SEMA3E: variants seen among roughly 807,000 people sequenced by gnomAD.
SEMA3E encodes semaphorin 3E.
A neutral mutation model predicts 93.6 loss-of-function variants in SEMA3E; 49 were observed. The observed-to-expected ratio is 0.52, with a 90% CI of 0.42 to 0.66. The LOEUF is 0.66. Among genes scored for constraint, SEMA3E ranks in the 30% least tolerant of loss-of-function variants. The pLI is 0.00. For missense variants in SEMA3E, 906 were observed against 964.8 expected (o/e 0.94, Z 0.81); for synonymous variants, 363 against 330.7 (o/e 1.10, Z -1.06).
chr7:83,400,210 T>C lies in SEMA3E; in HGVS notation c.1184A>G (p.Lys395Arg), dbSNP rs759998686. Residue 395 changes from lysine to arginine, a missense_variant, in exon 11 of 17, where the codon AAG becomes AGG. Transcript: ENST00000643230. ...TCGGATGGCATCATCAGGATAGTCCTTGGTGGTTCCGTATCTCCCTCCATT... is the reference window on the plus strand; with the variant it reads ...TCGGATGGCATCATCAGGATAGTCCCTGGTGGTTCCGTATCTCCCTCCATT... ...KVNGGRYGTTKDYPDDAIRFA... is the reference protein window; with the variant it reads ...KVNGGRYGTTRDYPDDAIRFA... 1 of 1,613,992 alleles carries C rather than the reference T, an allele frequency of 6.2e-7. No individual in the cohort carries two copies. Among genetic ancestry groups the C allele is most frequent in the Non-Finnish European group, 8.5e-7 (1 of 1,179,934 alleles).
chr7:83,390,120 CGT>C (rs1787983585), intron 14 of SEMA3E, among the ~76,000 whole-genome samples: 1 of 72,354 alleles, frequency 1.4e-5, no homozygotes, highest in Non-Finnish European at 2.8e-5. Context: ...CATATATGCG[CGT>C]ATACGTGTGC....
At chr7:83,454,271 AAATAT>A (rs1371854684) in intron 4 of SEMA3E, among the ~76,000 whole-genome samples, 2,674 of 102,744 alleles carry the variant, frequency 0.026, 39 homozygotes, top group African/African-American at 0.057. Context: ...AAAAAAAAAA[AAATAT>A]ATATATATAT....
chr7:83,399,578 T>C (rs1198374595), intron 11 of SEMA3E, among the ~76,000 whole-genome samples: 1 of 152,206 alleles, frequency 6.6e-6, no homozygotes, highest in South Asian at 2.1e-4. Flanking sequence ...GACAGAACTA[T>C]TCTTGCTATG....
chr7:83,421,600 A>G lies in SEMA3E; in HGVS notation c.457-3117T>C, dbSNP rs1047164281. Among the ~76,000 whole-genome samples, 13 of 142,432 alleles carry G rather than the reference A, an allele frequency of 9.1e-5. 1 individual carries two copies. The highest frequency in any genetic ancestry group is 3.0e-4 in the African/African-American group (12 of 39,874). 93.4% of individuals were successfully genotyped at this position (142,432 alleles called of 152,430 possible). The stretch of plus-strand genomic sequence containing the variant: ...TTGCTCAATTTGGCAACTATGTACA[A>G]CCCTGCTCATCTGTGAACCACAAAC... On this transcript the variant is annotated intron_variant, in intron 4 of 16. Transcript: ENST00000643230.
intron 16 of SEMA3E, among the ~76,000 whole-genome samples, chr7:83,378,228 A>G (rs374830008): frequency 7.9e-5 from 12 of 152,050 alleles, no homozygotes; most frequent in African/African-American, 7.2e-5. Flanking sequence ...ATGAAATTAC[A>G]TTATCCACAT....
chr7:83,443,622 G>A (rs1242920661), intron 4 of SEMA3E, among the ~76,000 whole-genome samples: 1 of 151,864 alleles, frequency 6.6e-6, no homozygotes. Context: ...GTATAGAAGA[G>A]GAAACAGTCA....
intron 4 of SEMA3E, among the ~76,000 whole-genome samples, chr7:83,430,784 T>G (rs953527383): frequency 4.1e-4 from 62 of 152,282 alleles, no homozygotes; most frequent in African/African-American, 1.5e-3. Flanking sequence ...CCATGGCACA[T>G]GTATACCTAT....
intron 1 of SEMA3E, among the ~76,000 whole-genome samples, chr7:83,512,267 C>G (rs191519534): frequency 6.6e-6 from 1 of 152,224 alleles, no homozygotes; most frequent in Admixed American, 6.5e-5. Context: ...ATAGAAGAAG[C>G]AAACACACTT....
intron 1 of SEMA3E, among the ~76,000 whole-genome samples, chr7:83,501,041 T>C (rs557692002): frequency 1.3e-5 from 2 of 152,366 alleles, no homozygotes; most frequent in East Asian, 3.9e-4. Flanking sequence ...TTCTGGATTA[T>C]GCCATTTTAC....
chr7:83,456,929 GATTAAATTAATGAT>G (rs1449515624), intron 4 of SEMA3E, among the ~76,000 whole-genome samples: 3 of 152,032 alleles, frequency 2.0e-5, no homozygotes, highest in Admixed American at 1.3e-4. Context: ...TCTATTTCTT[GATTAAATTAATGAT>G]ATTATTACAT....
intron 4 of SEMA3E, among the ~76,000 whole-genome samples, chr7:83,438,176 CTG>C (rs1466260105): frequency 2.6e-5 from 4 of 151,900 alleles, no homozygotes; most frequent in African/African-American, 9.7e-5. Context: ...CTAAAATCAC[CTG>C]TGTTTTATTT....
intron 2 of SEMA3E, among the ~76,000 whole-genome samples, chr7:83,476,585 C>T (rs1333140554): frequency 2.0e-5 from 3 of 152,098 alleles, no homozygotes; most frequent in African/African-American, 4.8e-5. Flanking sequence ...GGACTGCAAC[C>T]AAACGTTAAC....
intron 1 of SEMA3E, among the ~76,000 whole-genome samples, chr7:83,531,436 T>A (rs1791299408): frequency 6.7e-6 from 1 of 149,468 alleles, no homozygotes; most frequent in South Asian, 2.2e-4. Flanking sequence ...AACCTCTGCT[T>A]CCTGGGTTCA....
Position 83,406,093 on chromosome 7 carries a change from TA to T in SEMA3E, c.814-35del. 4 of 1,461,640 alleles carry T rather than the reference TA, an allele frequency of 2.7e-6. No homozygotes were observed. The South Asian group carries it at 4.5e-5, about 17-fold the overall frequency. 90.5% of individuals were successfully genotyped at this position (1,461,640 alleles called of 1,614,324 possible). A position where few individuals can be genotyped will look rare whatever the true frequency, so the allele number is the denominator to read the frequency against. ...ACCAAAAAGGAGGTAAATAGTTACC[TA>T]AAGAATTTCGACCAACCACAGATTT... On this transcript the variant is annotated intron_variant, in intron 7 of 16. Coordinates refer to ENST00000643230, the MANE Select transcript of SEMA3E (RefSeq NM_012431.3).
At position 83,367,798 on chromosome 7, in the gene SEMA3E, C is replaced by T; in HGVS notation, c.2116G>A (p.Ala706Thr). 1 of 1,614,094 alleles carries T rather than the reference C, an allele frequency of 6.2e-7. No individual in the cohort carries two copies. Among genetic ancestry groups the T allele is most frequent in the South Asian group, 1.1e-5 (1 of 91,076 alleles). Residue 706 changes from alanine (A) to threonine (T), a missense_variant, in exon 17 of 17, where the codon GCA (alanine) becomes ACA (threonine). Coordinates refer to ENST00000643230, the MANE Select transcript of SEMA3E (RefSeq NM_012431.3). ...CPAQSSISQG[A>T]KPWYKEFLQL... Reference sequence around the variant, plus strand: ...AAGAATTCCTTGTACCATGGTTTTGCTCCCTGCGAGATGCTACTCTGAGCA... The same window carrying T: ...AAGAATTCCTTGTACCATGGTTTTGTTCCCTGCGAGATGCTACTCTGAGCA...
intron 1 of SEMA3E, among the ~76,000 whole-genome samples, chr7:83,504,670 T>C (rs2115617061): frequency 6.6e-6 from 1 of 152,316 alleles, no homozygotes; most frequent in Middle Eastern, 3.4e-3. Context: ...GTTTTCCTTT[T>C]CTGGCAATTA....
intron 2 of SEMA3E, among the ~76,000 whole-genome samples, chr7:83,487,699 G>GTGTGTT (rs1207990694): frequency 2.0e-5 from 3 of 151,396 alleles, no homozygotes; most frequent in Non-Finnish European, 4.4e-5. Context: ...GTGTGTGTGT[G>GTGTGTT]TGTGTGTGTG....
intron 2 of SEMA3E, among the ~76,000 whole-genome samples, chr7:83,489,303 T>A (rs532033359): frequency 6.6e-6 from 1 of 152,058 alleles, no homozygotes; most frequent in African/African-American, 2.4e-5. Flanking sequence ...TTTTGAAATA[T>A]GTAGGGAAGA....
In SEMA3E at chr7:83,450,408, T is replaced by TAAAC. The variant is rs1267170774; in HGVS notation, c.456+16073_456+16074insGTTT. Reference sequence around the variant, plus strand: ...GAAAGTAAATTGTGTTATATCCATGTAAATAAATTACAGTAATGAAAACAC... The same window carrying TAAAC: ...GAAAGTAAATTGTGTTATATCCATGTAAACAAATAAATTACAGTAATGAAAACAC... On this transcript the variant is annotated intron_variant, in intron 4 of 16. Transcript: ENST00000643230. Among the ~76,000 whole-genome samples the TAAAC allele has an allele frequency of 7.5e-5, 6 of 80,494 alleles. No homozygotes were observed. In the East Asian group the frequency reaches 0.094, roughly 1,258 times the overall value. The allele number at this position is 80,494 out of a possible 152,430, so 52.8% of individuals were successfully genotyped here.
Sources: gnomAD v4.1 joint callset for allele counts (sites outside exome capture counted in the v4.1 genomes callset) on GRCh38, gnomAD v4.1.1 for gene constraint, MANE v1.5 for transcripts, NCBI Gene and HGNC (gene_info 2026-07-23, HGNC 2026-07-21) for gene names.